Variants in NLRP13 observed in about 807,000 individuals in gnomAD.
The protein encoded by NLRP13 is NACHT, LRR and PYD domains-containing protein 13.
Under a neutral mutation model 94.4 loss-of-function variants are expected in NLRP13, and 82 were observed. That is an observed-to-expected ratio of 0.87 (90% CI 0.73 to 1.04). NLRP13 has a LOEUF of 1.04. Among genes scored for constraint, NLRP13 ranks in the 50% least tolerant of loss-of-function variants. The pLI, the probability that NLRP13 is intolerant of heterozygous loss-of-function variation, is 0.00. For missense variants in NLRP13, 1,426 were observed against 1,230.8 expected, an observed-to-expected ratio of 1.16 and a Z score of -2.37; for synonymous variants, 553 against 464.7, an observed-to-expected ratio of 1.19 and a Z score of -2.45.
downstream of NLRP13, among the ~76,000 whole-genome samples, chr19:55,892,440 G>A (rs1258273533): frequency 1.3e-5 from 2 of 151,964 alleles, no homozygotes; most frequent in Admixed American, 6.6e-5. Context: ...CGTATTGTTT[G>A]AGACGCAGTG....
At chr19:55,893,500 CT>C (rs1459222261), downstream of NLRP13, among the ~76,000 whole-genome samples, 1 of 152,102 alleles carries the variant, frequency 6.6e-6, no homozygotes, top group East Asian at 1.9e-4. Context: ...TGAAGGGTAA[CT>C]TTTGTTTACC....
intron 1 of NLRP13, among the ~76,000 whole-genome samples, chr19:55,929,911 TA>T (rs957444522): frequency 1.4e-4 from 21 of 151,814 alleles, no homozygotes; most frequent in African/African-American, 3.9e-4. Flanking sequence ...ATTAAGACAG[TA>T]AAAAAAAGAA....
At chr19:55,906,761 C>G (rs536895486) in intron 7 of NLRP13, among the ~76,000 whole-genome samples, 2 of 151,944 alleles carry the variant, frequency 1.3e-5, no homozygotes, top group Non-Finnish European at 1.5e-5. Context: ...CAGACCCCCC[C>G]CTGCTCCATG....
At chr19:55,900,834 G>A (rs1437292512) in intron 9 of NLRP13, among the ~76,000 whole-genome samples, 1 of 151,362 alleles carries the variant, frequency 6.6e-6, no homozygotes, top group African/African-American at 2.4e-5. Flanking sequence ...TCCCATTACT[G>A]AGTGTTGGTG....
chr19:55,931,879 G>C, intron 1 of NLRP13, 114 bp downstream of exon 1: 5 of 838,556 alleles, frequency 6.0e-6, no homozygotes, highest in African/African-American at 1.7e-5. Flanking sequence ...TTATCAAGGA[G>C]GATTTGTAGG....
At chr19:55,925,330 C>G (rs1162771568) in intron 1 of NLRP13, among the ~76,000 whole-genome samples, 4 of 152,232 alleles carry the variant, frequency 2.6e-5, no homozygotes, top group Non-Finnish European at 5.9e-5. Context: ...GAAATCTTAC[C>G]TCCACAATGG....
rs61738368 is a variant in NLRP13, at chr19:55,913,016, A to G, written c.801T>C (p.Tyr267=). The change falls in exon 5 of 11, where the codon TAT becomes TAC. Residue 267 remains tyrosine (Y), a synonymous_variant. Coordinates refer to ENST00000342929, the MANE Select transcript of NLRP13 (RefSeq NM_176810.2). ...TGTACCTTATTTTATGGCAGCTGAG[A>G]TAGAAAACATAGGAGAACCTTTGCT... ...LFQQRFSYVF[Y]LSCHKIRYMK... 3.8e-4 allele frequency: 612 copies of G among 1,614,158 alleles called. 1 individual carries two copies. The African/African-American group carries it at 7.6e-3, about 20-fold the overall frequency.
At chr19:55,893,280 C>T (rs143034846), downstream of NLRP13, among the ~76,000 whole-genome samples, 26 of 151,864 alleles carry the variant, frequency 1.7e-4, no homozygotes, top group African/African-American at 6.0e-4. Flanking sequence ...CCAGGCTACT[C>T]GGGAGGCTGA....
chr19:55,897,837 G>T (rs1019521671), intron 10 of NLRP13, among the ~76,000 whole-genome samples: 1 of 152,170 alleles, frequency 6.6e-6, no homozygotes, highest in East Asian at 1.9e-4. Context: ...TTTACAATTT[G>T]AGTCGGTTCA....
At chr19:55,914,405 AAAG>A (rs1986627791) in intron 4 of NLRP13, among the ~76,000 whole-genome samples, 1 of 152,224 alleles carries the variant, frequency 6.6e-6, no homozygotes, top group South Asian at 2.1e-4. Flanking sequence ...CAGGTTTTAT[AAAG>A]AATAGATTAT....
Position 55,930,901 on chromosome 19 carries a change from A to ATATATTTTTTT in NLRP13, c.319+1091_319+1092insAAAAAAATATA, listed in dbSNP as rs1338071833. Among the ~76,000 whole-genome samples, 958 of 98,212 alleles carry ATATATTTTTTT rather than the reference A, an allele frequency of 9.8e-3. 14 individuals are homozygous for ATATATTTTTTT. The highest frequency in any genetic ancestry group is 0.014 in the Non-Finnish European group (751 of 53,034). The allele number at this position is 98,212 out of a possible 152,430, so 64.4% of individuals were successfully genotyped here. On this transcript the variant is annotated intron_variant, in intron 1 of 10. Transcript: ENST00000342929. ...ATATATATATATATATATATATAAA[A>ATATATTTTTTT]TTTTAACCAGAAGCTTAAACAGCAT... is the stretch of plus-strand genomic sequence containing the variant.
downstream of NLRP13, chr19:55,891,861 C>T (rs905512683): frequency 3.1e-5 from 12 of 387,066 alleles, no homozygotes; most frequent in African/African-American, 1.7e-4. Flanking sequence ...CGGCCTCCAA[C>T]AACCGTGACA....
intron 6 of NLRP13, among the ~76,000 whole-genome samples, chr19:55,909,897 G>A (rs1986455671): frequency 6.6e-6 from 1 of 152,154 alleles, no homozygotes; most frequent in African/African-American, 2.4e-5. Context: ...ACTGAGTCAA[G>A]TCGGTCTTTA....
At chr19:55,921,235 A>G (rs185654513) in intron 4 of NLRP13, among the ~76,000 whole-genome samples, 1 of 152,356 alleles carries the variant, frequency 6.6e-6, no homozygotes. Flanking sequence ...TATCCATGTA[A>G]CAAAATGGAA....
At chr19:55,923,241 T>C (rs1035475346) in intron 4 of NLRP13, among the ~76,000 whole-genome samples, 3 of 152,232 alleles carry the variant, frequency 2.0e-5, no homozygotes. Context: ...AAACAGAGAA[T>C]CCCGTTTATA....
chr19:55,895,944 T>G (rs1468689293), downstream of NLRP13: 1 of 1,613,538 alleles, frequency 6.2e-7, no homozygotes, highest in African/African-American at 1.3e-5. Flanking sequence ...GTCAGTGAGG[T>G]TTACCCGAGT....
In NLRP13 at chr19:55,911,967, A is replaced by G; in HGVS notation, c.1850T>C (p.Leu617Ser). Residue 617 changes from leucine to serine, a missense_variant, in exon 5 of 11, where the codon TTA (leucine) becomes TCA (serine). Physicochemically the swap from Leu to Ser is moderately radical, Grantham distance 145 (BLOSUM62 -2). Transcript: ENST00000342929. ...CTTACCTAACTCTTCTCCCCACTTT[A>G]ATAATTCCTCCATTACCCTGGGAGA... Reference protein sequence around the residue: ...KISPRVMEELLKWGEELGKAE... With the variant: ...KISPRVMEELSKWGEELGKAE... 1 of 1,614,236 alleles carries G rather than the reference A, an allele frequency of 6.2e-7. No individual in the cohort carries two copies. The highest frequency in any genetic ancestry group is 8.5e-7 in the Non-Finnish European group (1 of 1,180,036).
At chr19:55,896,239 A>C in intron 10 of NLRP13, 120 bp from the exon 11 acceptor site, 1 of 1,137,924 alleles carries the variant, frequency 8.8e-7, no homozygotes, top group Non-Finnish European at 1.2e-6. Flanking sequence ...AGAGTGGAGC[A>C]CTTGGCCAGG....
intron 8 of NLRP13, among the ~76,000 whole-genome samples, chr19:55,904,124 ACT>A (rs1211949750): frequency 6.6e-6 from 1 of 151,932 alleles, no homozygotes; most frequent in Non-Finnish European, 1.5e-5. Context: ...ATGGAGTCTC[ACT>A]CTGTCATCCG....
Sources: gnomAD v4.1 joint callset for allele counts (sites outside exome capture counted in the v4.1 genomes callset) on GRCh38, gnomAD v4.1.1 for gene constraint, MANE v1.5 for transcripts, NCBI Gene and HGNC (gene_info 2026-07-23, HGNC 2026-07-21) for gene names.